The following CCDC126 variants were observed in gnomAD, a reference collection of about 807,000 sequenced individuals.
CCDC126 encodes coiled-coil domain-containing protein 126.
A neutral mutation model predicts 11.7 loss-of-function variants in CCDC126; 5 were observed. That is an observed-to-expected ratio of 0.43 (90% CI 0.22 to 0.90). CCDC126 has a LOEUF of 0.90. Among genes scored for constraint, CCDC126 ranks in the 40% least tolerant of loss-of-function variants. The probability of loss-of-function intolerance (pLI) is 0.27; values close to 1 mark genes in which losing one functional copy is unlikely to be tolerated. For missense variants in CCDC126, 150 were observed against 163.1 expected (o/e 0.92, Z 0.44); for synonymous variants, 60 against 61.9 (o/e 0.97, Z 0.14).
intron 2 of CCDC126, among the ~76,000 whole-genome samples, chr7:23,600,871 T>A (rs963232898): frequency 2.6e-5 from 4 of 152,164 alleles, no homozygotes; most frequent in Admixed American, 2.6e-4. Context: ...CAGTATTTTT[T>A]AAACTTTTTT....
intron 3 of CCDC126, among the ~76,000 whole-genome samples, chr7:23,641,155 G>T (rs967158279): frequency 3.3e-5 from 5 of 151,980 alleles, no homozygotes; most frequent in African/African-American, 1.2e-4. Context: ...CAGTTTCTCT[G>T]CATCCTTGCC....
At chr7:23,622,968 CTTTT>C (rs1228157804) in intron 3 of CCDC126, 50 of 92,012 alleles carry the variant, frequency 5.4e-4, no homozygotes, top group South Asian at 1.8e-3. Context: ...TATGCTCACT[CTTTT>C]TTTTTTTTTT....
chr7:23,606,441 G>C (rs191286084), intron 2 of CCDC126, among the ~76,000 whole-genome samples: 123 of 152,216 alleles, frequency 8.1e-4, no homozygotes, highest in African/African-American at 2.9e-3. Context: ...CGAATTATGA[G>C]TTTTGTTTTT....
chr7:23,617,348 CAAAAAAAAAAAAAAAA>C (rs35391703), intron 3 of CCDC126, among the ~76,000 whole-genome samples: 2 of 36,248 alleles, frequency 5.5e-5, no homozygotes, highest in South Asian at 1.3e-3. Context: ...ATGCTGTCTC[CAAAAAAAAAAAAAAAA>C]AAAAAAAAAA....
At chr7:23,615,651 A>C (rs976480639) in intron 3 of CCDC126, among the ~76,000 whole-genome samples, 15 of 152,210 alleles carry the variant, frequency 9.9e-5, no homozygotes, top group African/African-American at 3.6e-4. Context: ...ACACTTGAAC[A>C]CTTAGAAGCC....
chr7:23,599,977 G>A (rs948696035), intron 2 of CCDC126, among the ~76,000 whole-genome samples: 1 of 152,066 alleles, frequency 6.6e-6, no homozygotes, highest in Non-Finnish European at 1.5e-5. Flanking sequence ...TAGAGATGGG[G>A]TTTCACCATG....
At chr7:23,626,131 G>A (rs1443371631) in intron 3 of CCDC126, among the ~76,000 whole-genome samples, 2 of 151,524 alleles carry the variant, frequency 1.3e-5, no homozygotes, top group African/African-American at 4.8e-5. Flanking sequence ...ATATTCTAAT[G>A]TATTATGCTT....
At chr7:23,636,154 G>A (rs1325933728) in intron 3 of CCDC126, among the ~76,000 whole-genome samples, 1 of 152,282 alleles carries the variant, frequency 6.6e-6, no homozygotes, top group Admixed American at 6.5e-5. Flanking sequence ...ACGGAGTCTC[G>A]TTCACTCAGT....
At chr7:23,602,392 A>C (rs1408949773) in intron 2 of CCDC126, among the ~76,000 whole-genome samples, 1 of 152,208 alleles carries the variant, frequency 6.6e-6, no homozygotes, top group Non-Finnish European at 1.5e-5. Context: ...AGAGAACACC[A>C]ATAAGAATAT....
rs1392690539 is a variant in CCDC126, at chr7:23,644,424, A to G, written c.*1309A>G. 1 of 152,532 alleles carries G rather than the reference A, an allele frequency of 6.6e-6. No individual in the cohort carries two copies. The highest frequency in any genetic ancestry group is 1.5e-5 in the Non-Finnish European group (1 of 67,942). 9.4% of individuals were successfully genotyped at this position (152,532 alleles called of 1,614,324 possible). On this transcript the variant is annotated 3_prime_UTR_variant, in exon 4 of 4. Coordinates refer to ENST00000307471, the MANE Select transcript of CCDC126 (RefSeq NM_138771.4). Reference sequence around the variant, plus strand: ...CAGCTAGCTTCTAGATTTAGACTATATAGAATTTAGATATTGTATTGTTCG... The same window carrying G: ...CAGCTAGCTTCTAGATTTAGACTATGTAGAATTTAGATATTGTATTGTTCG...
intron 3 of CCDC126, among the ~76,000 whole-genome samples, chr7:23,629,381 C>T (rs561817956): frequency 3.9e-5 from 6 of 152,280 alleles, no homozygotes; most frequent in South Asian, 4.2e-4. Flanking sequence ...ACCAAATCTG[C>T]CGGCCCCTTG....
chr7:23,620,169 A>G (rs1004004405), intron 3 of CCDC126, among the ~76,000 whole-genome samples: 1 of 152,214 alleles, frequency 6.6e-6, no homozygotes, highest in African/African-American at 2.4e-5. Flanking sequence ...TGCCTTCCAC[A>G]ATGGTTGAAC....
chr7:23,609,680 A>G (rs1405532363), intron 2 of CCDC126, among the ~76,000 whole-genome samples: 1 of 151,998 alleles, frequency 6.6e-6, no homozygotes, highest in African/African-American at 2.4e-5. Context: ...CTAGCCTGGC[A>G]ACATGGCAAA....
intron 3 of CCDC126, among the ~76,000 whole-genome samples, chr7:23,637,823 T>C (rs1318184894): frequency 8.2e-5 from 7 of 85,214 alleles, no homozygotes; most frequent in African/African-American, 1.5e-4. Flanking sequence ...CCAGCCGCCC[T>C]GTCCGGGAGG....
intron 3 of CCDC126, among the ~76,000 whole-genome samples, chr7:23,631,251 TTATGA>T (rs1213117410): frequency 6.6e-6 from 1 of 151,978 alleles, no homozygotes; most frequent in Admixed American, 6.6e-5. Flanking sequence ...AGGGACAAAC[TTATGA>T]TAAGACTGAA....
rs144930853 is a variant in CCDC126, at chr7:23,602,908, A to AT, written c.-146+4858dup. Among the ~76,000 whole-genome samples the AT allele has an allele frequency of 7.0e-3, 1,069 of 152,200 alleles. 17 individuals carry two copies. Among genetic ancestry groups the AT allele is most frequent in the African/African-American group, 0.025 (1,026 of 41,516 alleles). On this transcript the variant is annotated intron_variant, in intron 2 of 3. Transcript: ENST00000307471. ...CAGAAAAACAGGAATCCTGTCTTTC[A>AT]TATCTTGCTTTACCTTTCACATCTA...
chr7:23,624,000 A>G (rs1782972024), intron 3 of CCDC126, among the ~76,000 whole-genome samples: 1 of 152,120 alleles, frequency 6.6e-6, no homozygotes, highest in Non-Finnish European at 1.5e-5. Context: ...TCAGTAGTAC[A>G]TGGTGTAAAA....
intron 3 of CCDC126, among the ~76,000 whole-genome samples, chr7:23,629,326 G>A (rs1056759984): frequency 6.6e-6 from 1 of 152,142 alleles, no homozygotes; most frequent in African/African-American, 2.4e-5. Context: ...GCCATGTCAG[G>A]ACACCTAGAA....
Position 23,611,842 on chromosome 7 carries a change from T to C in CCDC126, c.238+289T>C, listed in dbSNP as rs137936341. ...CATTTCGCTGCTAGATATATATCGC[T>C]GAAAAAAATGTATGTTGGAGGCCGG... On this transcript the variant is annotated intron_variant, in intron 3 of 3. Coordinates refer to ENST00000307471, the MANE Select transcript of CCDC126 (RefSeq NM_138771.4). Among the ~76,000 whole-genome samples, 3 of 152,258 alleles carry C rather than the reference T, an allele frequency of 2.0e-5. No individual in the cohort carries two copies. The East Asian group carries it at 5.8e-4, about 29-fold the overall frequency.
Sources: gnomAD v4.1 joint callset for allele counts (sites outside exome capture counted in the v4.1 genomes callset) on GRCh38, gnomAD v4.1.1 for gene constraint, MANE v1.5 for transcripts, NCBI Gene and HGNC (gene_info 2026-07-23, HGNC 2026-07-21) for gene names.